Variants in PTPRM observed in about 807,000 individuals in gnomAD.
PTPRM encodes the protein receptor-type tyrosine-protein phosphatase mu.
A neutral mutation model predicts 186.7 loss-of-function variants in PTPRM; 47 were observed. The ratio of observed to expected loss-of-function variants is 0.25; its 90% CI spans 0.20 to 0.32. PTPRM has a LOEUF of 0.32. Ranked by LOEUF, PTPRM falls within the 10% of genes least tolerant of loss-of-function variation. The probability of loss-of-function intolerance (pLI) is 1.00; values close to 1 mark genes in which losing one functional copy is unlikely to be tolerated. For synonymous variants in PTPRM, 668 were observed against 674.9 expected, an observed-to-expected ratio of 0.99 and a Z score of 0.16; for missense variants, 1,494 against 1,865.0, an observed-to-expected ratio of 0.80 and a Z score of 3.66.
chr18:7,753,893 C>G (rs113929170), intron 1 of PTPRM, among the ~76,000 whole-genome samples: 1 of 151,818 alleles, frequency 6.6e-6, no homozygotes, highest in Non-Finnish European at 1.5e-5. Flanking sequence ...GGACCTGCTA[C>G]ACTGTTGGAT....
intron 14 of PTPRM, among the ~76,000 whole-genome samples, chr18:8,227,212 G>A (rs2094224299): frequency 6.6e-6 from 1 of 152,166 alleles, no homozygotes; most frequent in Admixed American, 6.5e-5. Flanking sequence ...TTCGAGATTA[G>A]TAGGTGGATG....
At chr18:8,015,628 G>C (rs188536562) in intron 7 of PTPRM, among the ~76,000 whole-genome samples, 5 of 152,234 alleles carry the variant, frequency 3.3e-5, no homozygotes, top group African/African-American at 9.6e-5. Flanking sequence ...AATTAATTTA[G>C]AGCAGAACCT....
chr18:7,654,312 C>T (rs1001178364), intron 1 of PTPRM, among the ~76,000 whole-genome samples: 27 of 151,678 alleles, frequency 1.8e-4, no homozygotes, highest in African/African-American at 6.5e-4. Flanking sequence ...AGAAGATCTT[C>T]AGTTTAACCC....
chr18:8,168,139 A>G (rs2146419495), intron 14 of PTPRM, among the ~76,000 whole-genome samples: 1 of 152,280 alleles, frequency 6.6e-6, no homozygotes, highest in South Asian at 2.1e-4. Context: ...GCCTTTTTTC[A>G]TGTATTTCAA....
intron 6 of PTPRM, among the ~76,000 whole-genome samples, chr18:7,952,411 A>G (rs1435960184): frequency 6.6e-6 from 1 of 152,250 alleles, no homozygotes; most frequent in African/African-American, 2.4e-5. Flanking sequence ...TTGAAAATGC[A>G]AATGTGGCCG....
chr18:7,734,734 T>G (rs992936025), intron 1 of PTPRM, among the ~76,000 whole-genome samples: 5 of 152,194 alleles, frequency 3.3e-5, no homozygotes, highest in Non-Finnish European at 7.3e-5. Context: ...CTAAATTCAG[T>G]TAAAATTAGT....
chr18:8,301,817 G>A (rs957419905), intron 20 of PTPRM, among the ~76,000 whole-genome samples: 1 of 152,258 alleles, frequency 6.6e-6, no homozygotes, highest in Non-Finnish European at 1.5e-5. Flanking sequence ...GGAAAATGAA[G>A]CAGGGAATGG....
At position 8,253,282 on chromosome 18, in the gene PTPRM, C is replaced by A; in HGVS notation, c.2622C>A (p.Tyr874Ter). The change falls in exon 19 of 33, where the codon TAC becomes TAA. Residue 874 changes from tyrosine (Y) to a stop codon, truncating the protein, a stop_gained. Coordinates refer to ENST00000580170, the MANE Select transcript of PTPRM (RefSeq NM_001105244.2). LOFTEE classifies it high-confidence loss of function. Reference protein sequence around the residue: ...DTSSLVQSHTYKKREPADVPY... With the variant: ...DTSSLVQSHT ...GCAGCCTGGTGCAGTCCCATACTTA[C>A]AAGAAGCGAGAGCCGGCCGACGTGC... The A allele has an allele frequency of 6.3e-7, 1 of 1,593,818 alleles. No homozygotes were observed. Among genetic ancestry groups the A allele is most frequent in the South Asian group, 1.1e-5 (1 of 87,592 alleles).
intron 2 of PTPRM, among the ~76,000 whole-genome samples, chr18:7,828,663 G>A (rs943787300): frequency 3.9e-5 from 6 of 152,154 alleles, no homozygotes; most frequent in African/African-American, 1.4e-4. Context: ...AAAGGATTCC[G>A]TGTTTTTCTA....
chr18:7,818,469 G>A (rs911059675), intron 2 of PTPRM, among the ~76,000 whole-genome samples: 4 of 152,070 alleles, frequency 2.6e-5, no homozygotes, highest in Admixed American at 1.3e-4. Context: ...TGCTCCCTGC[G>A]TGCCTGGTGT....
intron 14 of PTPRM, among the ~76,000 whole-genome samples, chr18:8,151,293 C>T (rs1018131522): frequency 6.6e-6 from 1 of 152,108 alleles, no homozygotes; most frequent in Non-Finnish European, 1.5e-5. Context: ...AAGTCTCTGA[C>T]TGGGGCTGCT....
At chr18:8,263,818 G>T (rs980111404) in intron 19 of PTPRM, among the ~76,000 whole-genome samples, 36 of 152,196 alleles carry the variant, frequency 2.4e-4, no homozygotes, top group Non-Finnish European at 3.5e-4. Context: ...ATGGAAGCTT[G>T]GCGTCCTGGC....
intron 1 of PTPRM, among the ~76,000 whole-genome samples, chr18:7,674,639 C>T (rs1009199874): frequency 4.6e-5 from 7 of 152,082 alleles, no homozygotes; most frequent in African/African-American, 1.7e-4. Flanking sequence ...TTTCTTCTTC[C>T]TAGGTAGAGA....
At chr18:7,894,698 A>G (rs188777129) in intron 3 of PTPRM, among the ~76,000 whole-genome samples, 2 of 152,102 alleles carry the variant, frequency 1.3e-5, no homozygotes, top group East Asian at 1.9e-4. Flanking sequence ...AAAACTCAAT[A>G]TCCAAGTGAT....
chr18:8,114,228 A>G (rs2091872001), intron 12 of PTPRM, among the ~76,000 whole-genome samples: 1 of 151,510 alleles, frequency 6.6e-6, no homozygotes, highest in African/African-American at 2.4e-5. Flanking sequence ...TTTTTTTCCT[A>G]AGAGAAAATA....
chr18:8,128,855 T>G (rs1332725357), intron 13 of PTPRM, among the ~76,000 whole-genome samples: 1 of 152,324 alleles, frequency 6.6e-6, no homozygotes. Context: ...TAAAAACAAT[T>G]TAATTTTTTG....
chr18:7,881,349 C>CA lies in PTPRM; in HGVS notation c.197-6756dup, dbSNP rs1475889798. On this transcript the variant is annotated intron_variant, in intron 2 of 32. Transcript: ENST00000580170. ...ACTCAGGAGGCTGAGGCATGAGAAT[C>CA]ACTTGAACCCAGGAGGCAGAGGTTG... Among the ~76,000 whole-genome samples, 5 of 152,156 alleles carry CA rather than the reference C, an allele frequency of 3.3e-5. No homozygotes were observed. The East Asian group carries it at 9.7e-4, about 29-fold the overall frequency.
At chr18:7,852,413 C>A (rs974774196) in intron 2 of PTPRM, among the ~76,000 whole-genome samples, 7 of 151,670 alleles carry the variant, frequency 4.6e-5, no homozygotes, top group Admixed American at 1.3e-4. Flanking sequence ...CCTGTCTCTA[C>A]AAAAAAATTT....
intron 23 of PTPRM, among the ~76,000 whole-genome samples, chr18:8,351,517 C>G (rs56137612): frequency 5.3e-5 from 8 of 152,212 alleles, no homozygotes; most frequent in African/African-American, 1.9e-4. Flanking sequence ...GGCTGTGGGT[C>G]CTTCCAGGTA....
Sources: gnomAD v4.1 joint callset for allele counts (sites outside exome capture counted in the v4.1 genomes callset) on GRCh38, gnomAD v4.1.1 for gene constraint, MANE v1.5 for transcripts, NCBI Gene and HGNC (gene_info 2026-07-23, HGNC 2026-07-21) for gene names.